The following RANBP2 variants were observed in gnomAD, a reference collection of about 807,000 sequenced individuals.
RANBP2 encodes RAN binding protein 2.
A neutral mutation model predicts 303.6 loss-of-function variants in RANBP2; 57 were observed. That is an observed-to-expected ratio of 0.19 (90% CI 0.15 to 0.23). The LOEUF is 0.23. Ranked by LOEUF, RANBP2 falls within the 10% of genes least tolerant of loss-of-function variation. The probability of loss-of-function intolerance (pLI) is 1.00; values close to 1 mark genes in which losing one functional copy is unlikely to be tolerated. For synonymous variants in RANBP2, 1,167 were observed against 1,301.5 expected (o/e 0.90, Z 2.23); for missense variants, 3,138 against 3,780.8 (o/e 0.83, Z 4.46).
the RANBP2 span, among the ~76,000 whole-genome samples, chr2:109,034,298 G>GAAAAA: frequency 1.3e-4 from 16 of 125,490 alleles, no homozygotes; most frequent in South Asian, 2.5e-4. Flanking sequence ...AAAAAAAAAG[G>GAAAAA]AAGGTTCAAA....
At chr2:109,323,572 A>C in the RANBP2 span, among the ~76,000 whole-genome samples, 1 of 152,182 alleles carries the variant, frequency 6.6e-6, no homozygotes, top group Non-Finnish European at 1.5e-5. Context: ...CCCCCAGCGA[A>C]GCTTGAACTC....
At chr2:109,553,151 A>T in the RANBP2 span, 1 of 1,614,008 alleles carries the variant, frequency 6.2e-7, no homozygotes, top group South Asian at 1.1e-5. Context: ...CATCTGTTTC[A>T]TTTCTTCTTC....
chr2:109,315,039 G>A, the RANBP2 span, among the ~76,000 whole-genome samples: 2 of 152,142 alleles, frequency 1.3e-5, no homozygotes, highest in African/African-American at 2.4e-5. Flanking sequence ...AGTGAACAGC[G>A]ACCACATTGA....
chr2:109,117,483 C>T, the RANBP2 span, among the ~76,000 whole-genome samples: 23 of 152,298 alleles, frequency 1.5e-4, no homozygotes, highest in South Asian at 2.1e-4. Context: ...TTAAGCCCGT[C>T]GGAAAAGTGC....
At chr2:108,933,130 G>C in the RANBP2 span, among the ~76,000 whole-genome samples, 1 of 152,220 alleles carries the variant, frequency 6.6e-6, no homozygotes, top group Non-Finnish European at 1.5e-5. Flanking sequence ...TGTTGGGTGA[G>C]AAAGAAATGA....
the RANBP2 span, among the ~76,000 whole-genome samples, chr2:109,493,261 A>G: frequency 2.7e-5 from 4 of 150,578 alleles, no homozygotes; most frequent in African/African-American, 9.8e-5. Context: ...CACACTGCAA[A>G]CACACACCCC....
the RANBP2 span, among the ~76,000 whole-genome samples, chr2:108,993,307 A>G: frequency 2.0e-5 from 3 of 152,284 alleles, no homozygotes; most frequent in Admixed American, 6.5e-5. Flanking sequence ...GGAAACTGAC[A>G]GGAAACTGTG....
At chr2:108,861,910 T>C in the RANBP2 span, among the ~76,000 whole-genome samples, 1 of 152,214 alleles carries the variant, frequency 6.6e-6, no homozygotes, top group Non-Finnish European at 1.5e-5. Context: ...TTTCACTGTT[T>C]CAAAGAATTT....
chr2:109,385,882 C>T, the RANBP2 span, among the ~76,000 whole-genome samples: 21 of 141,066 alleles, frequency 1.5e-4, no homozygotes, highest in African/African-American at 5.5e-4. Context: ...AAGAGATGGA[C>T]GTTTGGTTGA....
chr2:109,614,945 TCG>T, the RANBP2 span: 1 of 1,519,882 alleles, frequency 6.6e-7, no homozygotes, highest in Non-Finnish European at 8.8e-7. Context: ...GCGCCGGGGC[TCG>T]CAGGAAGAAC....
the RANBP2 span, among the ~76,000 whole-genome samples, chr2:108,898,383 G>C: frequency 6.6e-6 from 1 of 152,168 alleles, no homozygotes; most frequent in African/African-American, 2.4e-5. Flanking sequence ...TGTTAGTGAA[G>C]GTTGAGTGGG....
At chr2:109,703,486 T>C in the RANBP2 span, among the ~76,000 whole-genome samples, 1 of 152,376 alleles carries the variant, frequency 6.6e-6, no homozygotes, top group East Asian at 1.9e-4. Context: ...TGGAGTGCAA[T>C]GGCACTATCT....
At chr2:108,859,165 A>G in the RANBP2 span, among the ~76,000 whole-genome samples, 1 of 152,222 alleles carries the variant, frequency 6.6e-6, no homozygotes, top group Non-Finnish European at 1.5e-5. Flanking sequence ...GATGTTGAGC[A>G]TTTTTAAATA....
At chr2:108,872,842 C>T in the RANBP2 span, among the ~76,000 whole-genome samples, 1 of 152,156 alleles carries the variant, frequency 6.6e-6, no homozygotes, top group African/African-American at 2.4e-5. Flanking sequence ...CATCTCATGT[C>T]CTCATAAACA....
chr2:109,449,471 C>T, the RANBP2 span: 1,734 of 1,613,874 alleles, frequency 1.1e-3, 14 homozygotes, highest in African/African-American at 0.016. Flanking sequence ...GCAAACTAGA[C>T]GAGAAGAAAA....
chr2:108,797,737 G>GT, the RANBP2 span, among the ~76,000 whole-genome samples: 1 of 152,126 alleles, frequency 6.6e-6, no homozygotes, highest in Non-Finnish European at 1.5e-5. Flanking sequence ...GCTGTCTTCT[G>GT]TTTTTTCCCT....
chr2:109,551,675 T>C, the RANBP2 span, among the ~76,000 whole-genome samples: 1 of 152,204 alleles, frequency 6.6e-6, no homozygotes, highest in South Asian at 2.1e-4. Flanking sequence ...AAAATTCGCA[T>C]TATAAATAAA....
the RANBP2 span, among the ~76,000 whole-genome samples, chr2:108,803,631 A>G: frequency 2.0e-5 from 3 of 152,128 alleles, no homozygotes; most frequent in Admixed American, 2.0e-4. Context: ...CTACTTCTCC[A>G]TGTCTGGGAC....
the RANBP2 span, among the ~76,000 whole-genome samples, chr2:109,215,164 C>T: frequency 2.0e-5 from 3 of 152,222 alleles, no homozygotes; most frequent in Non-Finnish European, 4.4e-5. Context: ...TTCTCTCTCT[C>T]TGAGCATTGC....
Sources: gnomAD v4.1 joint callset for allele counts (sites outside exome capture counted in the v4.1 genomes callset) on GRCh38, gnomAD v4.1.1 for gene constraint, MANE v1.5 for transcripts, NCBI Gene and HGNC (gene_info 2026-07-23, HGNC 2026-07-21) for gene names.